Variants in CA10 observed in about 807,000 individuals in gnomAD.
CA10 encodes carbonic anhydrase 10 (inactive), also known as carbonic anhydrase-related protein 10.
CA10 carries 14 observed loss-of-function variants against 44.2 expected under a neutral mutation model. That is an observed-to-expected ratio of 0.32 (90% CI 0.21 to 0.50). The LOEUF is 0.50. Among genes scored for constraint, CA10 ranks in the 20% least tolerant of loss-of-function variants. The pLI is 0.99. For synonymous variants in CA10, 159 were observed against 141.6 expected, an observed-to-expected ratio of 1.12 and a Z score of -0.87; for missense variants, 350 against 409.7, an observed-to-expected ratio of 0.85 and a Z score of 1.26.
chr17:52,139,400 T>C (rs1482630382), intron 1 of CA10, among the ~76,000 whole-genome samples: 2 of 152,066 alleles, frequency 1.3e-5, no homozygotes, highest in Admixed American at 6.5e-5. Context: ...CTGCATTATC[T>C]AGAACTTGCT....
chr17:51,902,062 C>T lies in CA10; in HGVS notation c.279+28928G>A, dbSNP rs186167203. 8.9e-4 allele frequency among the ~76,000 whole-genome samples: 136 copies of T among 152,148 alleles called. 2 individuals carry two copies. Among genetic ancestry groups the T allele is most frequent in the Admixed American group, 5.4e-3 (82 of 15,264 alleles). Reference sequence around the variant, plus strand: ...TGTGTAGTTTTTCCTTTCATCTTTTCTGTCTTATTTTTCTCTTATAAGCCC... The same window carrying T: ...TGTGTAGTTTTTCCTTTCATCTTTTTTGTCTTATTTTTCTCTTATAAGCCC... On this transcript the variant is annotated intron_variant, in intron 3 of 8. Transcript: ENST00000451037.
intron 4 of CA10, among the ~76,000 whole-genome samples, chr17:51,714,554 C>T (rs995615913): frequency 4.6e-5 from 7 of 152,154 alleles, no homozygotes; most frequent in African/African-American, 1.7e-4. Flanking sequence ...TCTCTAGATA[C>T]CTGATGAGGC....
chr17:51,684,722 T>C (rs933391496), intron 4 of CA10, among the ~76,000 whole-genome samples: 1 of 152,198 alleles, frequency 6.6e-6, no homozygotes, highest in African/African-American at 2.4e-5. Context: ...ATGACCTCTG[T>C]ACATCCGGAT....
intron 1 of CA10, among the ~76,000 whole-genome samples, chr17:52,103,078 T>C (rs998925628): frequency 1.1e-4 from 17 of 152,164 alleles, no homozygotes; most frequent in Admixed American, 6.5e-5. Context: ...ATCATGAGAA[T>C]AACCTGGAGA....
At chr17:51,686,691 C>T (rs138976441) in intron 4 of CA10, among the ~76,000 whole-genome samples, 21 of 152,264 alleles carry the variant, frequency 1.4e-4, no homozygotes, top group Non-Finnish European at 2.4e-4. Flanking sequence ...AATCTCTCCA[C>T]TTGGATGTAT....
intron 2 of CA10, among the ~76,000 whole-genome samples, chr17:51,987,333 G>A (rs1344025945): frequency 6.6e-6 from 1 of 151,946 alleles, no homozygotes; most frequent in Non-Finnish European, 1.5e-5. Flanking sequence ...CTATGAGGAT[G>A]CAAAGGCATA....
chr17:51,883,661 C>A (rs1259947804), intron 3 of CA10, among the ~76,000 whole-genome samples: 1 of 152,194 alleles, frequency 6.6e-6, no homozygotes, highest in African/African-American at 2.4e-5. Flanking sequence ...CCCTCCCTGG[C>A]AGCTCCATCT....
intron 3 of CA10, among the ~76,000 whole-genome samples, chr17:51,866,872 A>G (rs1979570585): frequency 6.6e-6 from 1 of 152,196 alleles, no homozygotes; most frequent in African/African-American, 2.4e-5. Flanking sequence ...CAAGTTAGAT[A>G]ATTATCAATA....
intron 2 of CA10, among the ~76,000 whole-genome samples, chr17:51,937,038 A>C (rs1328297845): frequency 6.6e-6 from 1 of 152,126 alleles, no homozygotes; most frequent in Non-Finnish European, 1.5e-5. Context: ...TCATGAAGAC[A>C]CTCAGCTAAA....
At chr17:52,021,328 C>G (rs1320905112) in intron 2 of CA10, among the ~76,000 whole-genome samples, 1 of 152,048 alleles carries the variant, frequency 6.6e-6, no homozygotes, top group African/African-American at 2.4e-5. Flanking sequence ...ATATACCCAG[C>G]AATGGGATTG....
intron 3 of CA10, among the ~76,000 whole-genome samples, chr17:51,798,991 G>A (rs887787311): frequency 1.3e-5 from 2 of 152,174 alleles, no homozygotes; most frequent in African/African-American, 2.4e-5. Context: ...CACAGGGTGG[G>A]GAAACAGTGG....
chr17:51,908,498 G>A (rs1443412315), intron 3 of CA10, among the ~76,000 whole-genome samples: 1 of 152,096 alleles, frequency 6.6e-6, no homozygotes, highest in Non-Finnish European at 1.5e-5. Flanking sequence ...TTATCATGTT[G>A]GCAGTTCCTG....
intron 1 of CA10, among the ~76,000 whole-genome samples, chr17:52,085,946 T>C (rs545944502): frequency 6.6e-6 from 1 of 152,302 alleles, no homozygotes; most frequent in South Asian, 2.1e-4. Context: ...TTCCGTGGTT[T>C]CTCCAGATAA....
intron 1 of CA10, among the ~76,000 whole-genome samples, chr17:52,121,121 GGT>G (rs763929156): frequency 1.3e-5 from 2 of 152,098 alleles, no homozygotes; most frequent in Non-Finnish European, 2.9e-5. Context: ...TATGTGGTTT[GGT>G]GTCTAATCTA....
At chr17:51,760,459 G>T (rs1032032970) in intron 3 of CA10, among the ~76,000 whole-genome samples, 3 of 152,156 alleles carry the variant, frequency 2.0e-5, no homozygotes, top group Non-Finnish European at 4.4e-5. Flanking sequence ...GCAGGGAGCG[G>T]TGGAGATGGT....
At position 51,848,590 on chromosome 17, in the gene CA10, A is replaced by C. The variant is rs141934856; in HGVS notation, c.279+82400T>G. 4.8e-3 allele frequency among the ~76,000 whole-genome samples: 737 copies of C among 152,302 alleles called. 4 individuals carry two copies. Among genetic ancestry groups the C allele is most frequent in the Middle Eastern group, 0.02 (6 of 294 alleles). ...CTGTCGTGAATGCATCTATTCATTG[A>C]TTCACTCCAAAATGTTCAGCAAGCA... On this transcript the variant is annotated intron_variant, in intron 3 of 8. Coordinates refer to ENST00000451037, the MANE Select transcript of CA10 (RefSeq NM_020178.5).
chr17:51,986,896 T>C (rs1984858246), intron 2 of CA10, among the ~76,000 whole-genome samples: 1 of 152,110 alleles, frequency 6.6e-6, no homozygotes, highest in South Asian at 2.1e-4. Flanking sequence ...GGAACACTTC[T>C]ACACTGCTGG....
chr17:51,935,985 TC>T, intron 2 of CA10, among the ~76,000 whole-genome samples: 1 of 152,286 alleles, frequency 6.6e-6, no homozygotes, highest in South Asian at 2.1e-4. Flanking sequence ...TCTTCCTTAT[TC>T]ATTTGTCCTA....
intron 2 of CA10, among the ~76,000 whole-genome samples, chr17:52,057,644 T>C (rs1987267109): frequency 6.6e-6 from 1 of 152,022 alleles, no homozygotes; most frequent in African/African-American, 2.4e-5. Context: ...CAAGGGTAAA[T>C]TGTATTGTTA....
Sources: allele counts gnomAD v4.1 joint callset (sites outside exome capture counted in the v4.1 genomes callset), GRCh38; gene constraint gnomAD v4.1.1; transcripts MANE v1.5; gene names NCBI Gene and HGNC (gene_info 2026-07-23, HGNC 2026-07-21).